The following CFAP91 variants were observed in gnomAD, a reference collection of about 807,000 sequenced individuals.
CFAP91 encodes cilia and flagella associated protein 91.
CFAP91 carries 85 observed loss-of-function variants against 95.9 expected under a neutral mutation model. The ratio of observed to expected loss-of-function variants is 0.89; its 90% CI spans 0.74 to 1.06. The LOEUF (loss-of-function observed/expected upper bound fraction) is 1.06. CFAP91 is among the 50% of genes least tolerant of loss of function. CFAP91 has a pLI of 0.00. For missense variants in CFAP91, 962 were observed against 943.4 expected (o/e 1.02, Z -0.26); for synonymous variants, 335 against 327.5 (o/e 1.02, Z -0.25).
intron 4 of CFAP91, among the ~76,000 whole-genome samples, chr3:119,709,433 G>A (rs2053434793): frequency 6.6e-6 from 1 of 152,138 alleles, no homozygotes; most frequent in South Asian, 2.1e-4. Context: ...TTAGGGGGAG[G>A]CTTCATATTA....
rs1417800903 is a variant in CFAP91 at position 119,703,060 on chromosome 3, C to T, written c.-39C>T. On this transcript the variant is annotated 5_prime_UTR_variant, in exon 1 of 18. Transcript: ENST00000273390. ...CGTGCACGCAGTAGCCAGGCCTGAC[C>T]CGCTGGTCCCTTGCTGGCGGGAGGA... is the stretch of plus-strand genomic sequence containing the variant. The T allele has an allele frequency of 3.2e-6, 5 of 1,547,912 alleles. No individual in the cohort carries two copies. The highest frequency in any genetic ancestry group is 3.9e-5 in the Admixed American group (2 of 50,958).
In CFAP91 at chr3:119,726,383, A is replaced by C. The variant is rs191562024; in HGVS notation, c.860+35A>C. The C allele has an allele frequency of 2.0e-5, 32 of 1,564,572 alleles. No individual in the cohort carries two copies. The East Asian group carries it at 6.7e-4, about 33-fold the overall frequency. On this transcript the variant is annotated intron_variant, in intron 7 of 17. Coordinates refer to ENST00000273390, the MANE Select transcript of CFAP91 (RefSeq NM_033364.4). Reference sequence around the variant, plus strand: ...CTATCACCCAGACAACTGTTCCTGCACTGGTGGGAATAATGTTAATACTTT... The same window carrying C: ...CTATCACCCAGACAACTGTTCCTGCCCTGGTGGGAATAATGTTAATACTTT...
At chr3:119,756,918 A>G (rs1033595477) in intron 17 of CFAP91, among the ~76,000 whole-genome samples, 1 of 152,230 alleles carries the variant, frequency 6.6e-6, no homozygotes, top group Admixed American at 6.5e-5. Context: ...TGACTACATT[A>G]AATGTAAATA....
At chr3:119,703,603 G>A (rs1263066631) in intron 1 of CFAP91, among the ~76,000 whole-genome samples, 1 of 152,222 alleles carries the variant, frequency 6.6e-6, no homozygotes, top group Non-Finnish European at 1.5e-5. Context: ...GCAAATCCAA[G>A]TTGGGCGAAA....
intron 13 of CFAP91, 179 bp downstream of exon 13, chr3:119,740,874 T>TGA (rs1553710229): frequency 1.1e-5 from 8 of 698,066 alleles, no homozygotes; most frequent in Admixed American, 2.5e-5. Flanking sequence ...TGTGTGTGTG[T>TGA]GATGGAGTTT....
intron 16 of CFAP91, 77 bp from the exon 17 acceptor site, chr3:119,750,860 C>T (rs2054311268): frequency 6.5e-6 from 10 of 1,542,286 alleles, no homozygotes; most frequent in Non-Finnish European, 8.9e-6. Flanking sequence ...TTATTTCTAT[C>T]ATGACTCTCT....
chr3:119,740,703 T>C lies in CFAP91; in HGVS notation c.1680+8T>C, dbSNP rs1378285501. Reference sequence around the variant, plus strand: ...AACTTGCATGAGCACAAGGTTTTCCTTTTTTTGTTTTCTTGTTACTTTCTT... The same window carrying C: ...AACTTGCATGAGCACAAGGTTTTCCCTTTTTTGTTTTCTTGTTACTTTCTT... On this transcript the variant is annotated splice_region_variant and intron_variant, in intron 13 of 17. Transcript: ENST00000273390. 6.2e-7 allele frequency: 1 copy of C among 1,610,842 alleles called. No individual in the cohort carries two copies. The highest frequency in any genetic ancestry group is 1.1e-5 in the South Asian group (1 of 90,726).
chr3:119,756,017 A>G (rs1017324137), intron 17 of CFAP91, among the ~76,000 whole-genome samples: 1 of 152,218 alleles, frequency 6.6e-6, no homozygotes, highest in Non-Finnish European at 1.5e-5. Context: ...AAAGGAAGGA[A>G]TAATATGTTG....
chr3:119,754,325 T>G (rs1233117212), intron 17 of CFAP91, among the ~76,000 whole-genome samples: 2 of 152,244 alleles, frequency 1.3e-5, no homozygotes, highest in African/African-American at 4.8e-5. Flanking sequence ...AAGGAGCAAC[T>G]TGGTTCCTCC....
chr3:119,763,026 AG>A (rs1300745309), intron 17 of CFAP91, among the ~76,000 whole-genome samples: 1 of 152,146 alleles, frequency 6.6e-6, no homozygotes, highest in East Asian at 1.9e-4. Flanking sequence ...CAGAGTGAAG[AG>A]ACAACCTGCT....
chr3:119,751,823 C>G (rs920951173), intron 17 of CFAP91, among the ~76,000 whole-genome samples: 2 of 152,162 alleles, frequency 1.3e-5, no homozygotes, highest in African/African-American at 4.8e-5. Flanking sequence ...GCTGGAATCT[C>G]TTGTAATAAT....
rs1408228092 is a variant in CFAP91 at position 119,740,603 on chromosome 3, C to T, written c.1588C>T (p.His530Tyr). The T allele has an allele frequency of 5.0e-6, 8 of 1,614,010 alleles. No individual in the cohort carries two copies. In the Admixed American group the frequency reaches 1.0e-4, roughly 20 times the overall value. ...GTTGATCCAGGAGTTGCGCACCTGC[C>T]ACGCACTACAAGAAGATGAAAAGCT... is the stretch of plus-strand genomic sequence containing the variant. ...LELIQELRTC[H>Y]ALQEDEKLVK... is the part of the protein sequence containing the mutation. Residue 530 changes from histidine to tyrosine, a missense_variant, in exon 13 of 18, where the codon CAC becomes TAC. Physicochemically the swap from His to Tyr is moderately conservative, Grantham distance 83. Transcript: ENST00000273390.
In CFAP91 at chr3:119,703,127, C is replaced by A; in HGVS notation, c.29C>A (p.Pro10His). The change falls in exon 1 of 18, where the codon CCC becomes CAC. Residue 10 changes from proline (P) to histidine (H), a missense_variant. Physicochemically the swap from Pro to His is moderately conservative, Grantham distance 77 (BLOSUM62 -2). Coordinates refer to ENST00000273390, the MANE Select transcript of CFAP91 (RefSeq NM_033364.4). MSHAVTIEE[P>H]QAQPQVSQTR... ...AGCCACGCAGTAACCATCGAGGAGC[C>A]CCAGGCCCAGCCGCAGGTGTCTCAA... is the stretch of plus-strand genomic sequence containing the variant. 6.4e-7 allele frequency: 1 copy of A among 1,571,538 alleles called. No homozygotes were observed. The highest frequency in any genetic ancestry group is 8.6e-7 in the Non-Finnish European group (1 of 1,157,792).
At chr3:119,710,399 G>T (rs1364118968) in intron 5 of CFAP91, 1 of 154,024 alleles carries the variant, frequency 6.5e-6, no homozygotes, top group African/African-American at 2.4e-5. Context: ...GTGGAGGAAG[G>T]TGGAAGGCCA....
chr3:119,708,519 A>G (rs2053416238), intron 3 of CFAP91, 72 bp from the exon 4 acceptor site: 4 of 1,057,342 alleles, frequency 3.8e-6, no homozygotes, highest in Non-Finnish European at 5.7e-6. Flanking sequence ...CTCTATACAC[A>G]TAGAAATATT....
intron 10 of CFAP91, among the ~76,000 whole-genome samples, 200 bp downstream of exon 10, chr3:119,733,706 T>A (rs1024798024): frequency 1.2e-4 from 18 of 152,164 alleles, no homozygotes; most frequent in African/African-American, 4.1e-4. Context: ...TTCTTGGAGA[T>A]TTTTTTCCCC....
In CFAP91 at chr3:119,715,546, G is replaced by A. The variant is rs771601553; in HGVS notation, c.501-16G>A. On this transcript the variant is annotated splice_polypyrimidine_tract_variant and intron_variant, in intron 5 of 17. Coordinates refer to ENST00000273390, the MANE Select transcript of CFAP91 (RefSeq NM_033364.4). ...CATAACAGGTTTCAATTTTTAAACTGATTTTTCTCTTTTAGGGCAGAACCA... is the reference window on the plus strand; with the variant it reads ...CATAACAGGTTTCAATTTTTAAACTAATTTTTCTCTTTTAGGGCAGAACCA... 6.2e-7 allele frequency: 1 copy of A among 1,610,378 alleles called. No individual in the cohort carries two copies. The highest frequency in any genetic ancestry group is 1.1e-5 in the South Asian group (1 of 90,828).
At chr3:119,764,105 CTT>C (rs2054587625) in intron 17 of CFAP91, among the ~76,000 whole-genome samples, 2 of 152,024 alleles carry the variant, frequency 1.3e-5, no homozygotes, top group Admixed American at 6.6e-5. Context: ...TATAATCTTT[CTT>C]TGTCAGTTTA....
chr3:119,756,326 T>A (rs2054426650), intron 17 of CFAP91, among the ~76,000 whole-genome samples: 1 of 152,150 alleles, frequency 6.6e-6, no homozygotes, highest in South Asian at 2.1e-4. Context: ...TAAAGTAGGA[T>A]TCTAGGCAAA....
Sources: allele counts gnomAD v4.1 joint callset (sites outside exome capture counted in the v4.1 genomes callset), GRCh38; gene constraint gnomAD v4.1.1; transcripts MANE v1.5; gene names NCBI Gene and HGNC (gene_info 2026-07-23, HGNC 2026-07-21).